TIMD4: variants seen among roughly 807,000 people sequenced by gnomAD.
TIMD4 encodes T cell immunoglobulin and mucin domain containing 4.
A neutral mutation model predicts 41.2 loss-of-function variants in TIMD4; 31 were observed. The ratio of observed to expected loss-of-function variants is 0.75; its 90% CI spans 0.57 to 1.01. The LOEUF (loss-of-function observed/expected upper bound fraction) is 1.01, where lower values mean the gene tolerates loss of function less well. Among genes scored for constraint, TIMD4 ranks in the 50% least tolerant of loss-of-function variants. The pLI, the probability that TIMD4 is intolerant of heterozygous loss-of-function variation, is 0.00. For missense variants in TIMD4, 479 were observed against 472.5 expected, an observed-to-expected ratio of 1.01 and a Z score of -0.13; for synonymous variants, 204 against 177.1, an observed-to-expected ratio of 1.15 and a Z score of -1.21.
At chr5:156,936,165 A>C (rs1457468293) in intron 5 of TIMD4, among the ~76,000 whole-genome samples, 1 of 152,086 alleles carries the variant, frequency 6.6e-6, no homozygotes, top group Non-Finnish European at 1.5e-5. Flanking sequence ...CTTGAGCCCA[A>C]GAGATAAAGG....
rs2113345190 is a variant in TIMD4, at chr5:156,926,540, T to C, written c.845-228A>G. On this transcript the variant is annotated intron_variant, in intron 5 of 8. Coordinates refer to ENST00000274532, the MANE Select transcript of TIMD4 (RefSeq NM_138379.3). ...CCTGGGAACATCACCATTTTACAGA[T>C]GAGTAGAGTCAGGCATTGGGCCAGT... Among the ~76,000 whole-genome samples the C allele has an allele frequency of 2.0e-5, 3 of 152,378 alleles. No homozygotes were observed. In the South Asian group the frequency reaches 6.2e-4, roughly 32 times the overall value.
rs576755646 is a variant in TIMD4 at position 156,940,727 on chromosome 5, G to A, written c.844+7689C>T. 2.2e-4 allele frequency among the ~76,000 whole-genome samples: 34 copies of A among 152,140 alleles called. 2 individuals carry two copies. The East Asian group carries it at 6.0e-3, about 27-fold the overall frequency. On this transcript the variant is annotated intron_variant, in intron 5 of 8. Coordinates refer to ENST00000274532, the MANE Select transcript of TIMD4 (RefSeq NM_138379.3). ...AGCCCCTCCGCCCGGCAGCCGCCCCGTCTGGGAAGTGAGGAGAGTCTCCAC... is the reference window on the plus strand; with the variant it reads ...AGCCCCTCCGCCCGGCAGCCGCCCCATCTGGGAAGTGAGGAGAGTCTCCAC...
chr5:156,947,767 A>G (rs1345787912), intron 5 of TIMD4, among the ~76,000 whole-genome samples: 1 of 152,206 alleles, frequency 6.6e-6, no homozygotes, highest in East Asian at 1.9e-4. Context: ...AAGGGAATGG[A>G]AAAAAGACCT....
chr5:156,949,143 C>A (rs1284619289), intron 4 of TIMD4, among the ~76,000 whole-genome samples: 1 of 152,170 alleles, frequency 6.6e-6, no homozygotes, highest in Non-Finnish European at 1.5e-5. Context: ...TATACCCCGT[C>A]CCAGGCCCCA....
rs1759934474 is a variant in TIMD4 at position 156,954,622 on chromosome 5, T to G, written c.193A>C (p.Lys65Gln). ...CCATCAGTGCGGATGAGCGCCTCCT[T>G]GCAACCGGAGTAGGGGCACTGGTCT... ...GKDQCPYSGC[K>Q]EALIRTDGMR... The change falls in exon 2 of 9, where the codon AAG becomes CAG. Residue 65 changes from lysine to glutamine, a missense_variant. Transcript: ENST00000274532. 2.5e-6 allele frequency: 4 copies of G among 1,614,222 alleles called. No individual in the cohort carries two copies. Among genetic ancestry groups the G allele is most frequent in the Non-Finnish European group, 2.5e-6 (3 of 1,180,040 alleles).
At chr5:156,926,786 C>G (rs1276293729) in intron 5 of TIMD4, among the ~76,000 whole-genome samples, 1 of 152,122 alleles carries the variant, frequency 6.6e-6, no homozygotes, top group East Asian at 1.9e-4. Context: ...TAATTAGTTA[C>G]AAGTACACAA....
At chr5:156,920,366 G>A (rs898143257) in intron 8 of TIMD4, 98 bp downstream of exon 8, 75 of 1,338,078 alleles carry the variant, frequency 5.6e-5, no homozygotes, top group East Asian at 2.3e-4. Context: ...ATGTGTAATC[G>A]TAACACAAGC....
intron 3 of TIMD4, among the ~76,000 whole-genome samples, chr5:156,950,442 A>T (rs944564545): frequency 6.6e-6 from 1 of 152,244 alleles, no homozygotes; most frequent in Non-Finnish European, 1.5e-5. Flanking sequence ...TTTAGGGTTC[A>T]TGGATTTTAG....
chr5:156,963,038 A>C lies in TIMD4; in HGVS notation c.58+103T>G. 4 of 1,146,728 alleles carry C rather than the reference A, an allele frequency of 3.5e-6. No homozygotes were observed. In the South Asian group the frequency reaches 5.1e-5, roughly 15 times the overall value. The allele number at this position is 1,146,728 out of a possible 1,614,324, so 71.0% of individuals were successfully genotyped here. On this transcript the variant is annotated intron_variant, in intron 1 of 8. Transcript: ENST00000274532. The stretch of plus-strand genomic sequence containing the variant: ...GGAGAGGGGAGGGATGCAGAAATGA[A>C]GTGAGCTTCTGCTTCACTGAGGCCC...
intron 8 of TIMD4, 49 bp downstream of exon 8, chr5:156,920,415 T>C (rs1282506454): frequency 1.3e-6 from 2 of 1,596,616 alleles, no homozygotes; most frequent in South Asian, 1.1e-5. Context: ...TAATCATTTG[T>C]AACAGCTTGT....
chr5:156,957,478 A>G (rs1759991751), intron 1 of TIMD4, among the ~76,000 whole-genome samples: 1 of 133,382 alleles, frequency 7.5e-6, no homozygotes, highest in Non-Finnish European at 1.5e-5. Flanking sequence ...GTGCCATTGC[A>G]CTCCAGCCTG....
At chr5:156,945,282 A>G (rs1759719834) in intron 5 of TIMD4, among the ~76,000 whole-genome samples, 1 of 152,200 alleles carries the variant, frequency 6.6e-6, no homozygotes, top group Admixed American at 6.5e-5. Context: ...CAAGGGCTCT[A>G]AAATGGAGGT....
intron 1 of TIMD4, 43 bp downstream of exon 1, chr5:156,963,098 A>G: frequency 6.3e-7 from 1 of 1,598,856 alleles, no homozygotes; most frequent in Non-Finnish European, 8.6e-7. Flanking sequence ...CACAATAGCA[A>G]GTCCTCTGGA....
At chr5:156,935,904 C>T (rs1172762914) in intron 5 of TIMD4, among the ~76,000 whole-genome samples, 1 of 152,208 alleles carries the variant, frequency 6.6e-6, no homozygotes, top group Non-Finnish European at 1.5e-5. Context: ...CTCTGGAGGG[C>T]AATGTCTAGC....
chr5:156,928,659 T>C (rs1759390802), intron 5 of TIMD4, among the ~76,000 whole-genome samples: 1 of 152,184 alleles, frequency 6.6e-6, no homozygotes, highest in African/African-American at 2.4e-5. Context: ...GTGGTAGATT[T>C]TGTAAGGCTC....
chr5:156,920,337 G>T, intron 8 of TIMD4, 127 bp downstream of exon 8: 1 of 1,072,064 alleles, frequency 9.3e-7, no homozygotes, highest in Non-Finnish European at 1.4e-6. Flanking sequence ...CACTTCTAAT[G>T]TCACATCTTT....
At chr5:156,924,075 C>A in intron 6 of TIMD4, 1 of 202,122 alleles carries the variant, frequency 4.9e-6, no homozygotes, top group South Asian at 8.5e-5. Flanking sequence ...AACTGAGTTT[C>A]AAACGTTTAA....
intron 7 of TIMD4, among the ~76,000 whole-genome samples, chr5:156,921,054 C>G (rs554211831): frequency 1.1e-4 from 16 of 141,162 alleles, no homozygotes; most frequent in Non-Finnish European, 2.0e-4. Context: ...CCAGGTGCCA[C>G]GTGCCTATAA....
chr5:156,960,961 T>C (rs1339127720), intron 1 of TIMD4, among the ~76,000 whole-genome samples: 3 of 152,212 alleles, frequency 2.0e-5, no homozygotes, highest in African/African-American at 7.2e-5. Flanking sequence ...CTGAATTAAG[T>C]AGGGACCTGA....
Sources: gnomAD v4.1 joint callset for allele counts (sites outside exome capture counted in the v4.1 genomes callset) on GRCh38, gnomAD v4.1.1 for gene constraint, MANE v1.5 for transcripts, NCBI Gene and HGNC (gene_info 2026-07-23, HGNC 2026-07-21) for gene names.